Variants in ATP6AP1 observed in about 807,000 individuals in gnomAD.
The protein encoded by ATP6AP1 is V-type proton ATPase subunit S1.
Under a neutral mutation model 32.0 loss-of-function variants are expected in ATP6AP1, and 1 was observed. That is an observed-to-expected ratio of 0.03 (90% CI 0.01 to 0.15). The LOEUF (loss-of-function observed/expected upper bound fraction) is 0.15. ATP6AP1 is among the 10% of genes least tolerant of loss of function. The pLI, the probability that ATP6AP1 is intolerant of heterozygous loss-of-function variation, is 1.00. For missense variants in ATP6AP1, 297 were observed against 398.8 expected, an observed-to-expected ratio of 0.74 and a Z score of 2.17; for synonymous variants, 187 against 174.9, an observed-to-expected ratio of 1.07 and a Z score of -0.55.
rs781853406 is a variant in ATP6AP1, at chrX:154,435,904, G to A, written c.*13G>A. 2 of 1,184,606 alleles carry A rather than the reference G, an allele frequency of 1.7e-6. No homozygotes were observed. The highest frequency in any genetic ancestry group is 3.5e-5 in the South Asian group (2 of 56,691). On this transcript the variant is annotated 3_prime_UTR_variant, in exon 10 of 10. Coordinates refer to ENST00000369762, the MANE Select transcript of ATP6AP1 (RefSeq NM_001183.6). ...CCAGATTGTGTGACCCTGTGCCAGTGGGGGGGTTGAGGGTGGGACGGTGTC... is the reference window on the plus strand; with the variant it reads ...CCAGATTGTGTGACCCTGTGCCAGTAGGGGGGTTGAGGGTGGGACGGTGTC...
At chrX:154,431,742 G>C in intron 2 of ATP6AP1, 88 bp from the exon 3 acceptor site, 1 of 935,869 alleles carries the variant, frequency 1.1e-6, no homozygotes, top group Non-Finnish European at 1.5e-6. Context: ...TGCTGGCCCT[G>C]AGAATGCACG....
chrX:154,432,255 CCT>C lies in ATP6AP1; in HGVS notation c.364-10_364-9del, dbSNP rs782650821. 2.5e-6 allele frequency: 3 copies of C among 1,191,946 alleles called. No individual in the cohort carries two copies. Among genetic ancestry groups the C allele is most frequent in the Admixed American group, 2.2e-5 (1 of 45,140 alleles). ...TGGCTAACTCACCTTTTGCCTCTCC[CCT>C]GTCCCCAGAATGCCCTGGACCTGGC... is the stretch of plus-strand genomic sequence containing the variant. On this transcript the variant is annotated splice_polypyrimidine_tract_variant and intron_variant, in intron 3 of 9. Coordinates refer to ENST00000369762, the MANE Select transcript of ATP6AP1 (RefSeq NM_001183.6).
In ATP6AP1 at chrX:154,432,325, C is replaced by G; in HGVS notation, c.423C>G (p.Val141=). ...LVLPAVDWYA[V]STLTTYLQEK... is the part of the protein sequence containing the mutation. ...TTCCTGCCGTCGACTGGTATGCAGT[C>G]AGCACTCTGACCACTTACCTGCAGG... The change falls in exon 4 of 10, where the codon GTC becomes GTG. Residue 141 remains valine (V), a synonymous_variant. Coordinates refer to ENST00000369762, the MANE Select transcript of ATP6AP1 (RefSeq NM_001183.6). 1 of 1,212,375 alleles carries G rather than the reference C, an allele frequency of 8.2e-7. No individual in the cohort carries two copies. Among genetic ancestry groups the G allele is most frequent in the Non-Finnish European group, 1.1e-6 (1 of 895,584 alleles).
Position 154,434,439 on chromosome X carries a change from T to C in ATP6AP1, c.916T>C (p.Phe306Leu), listed in dbSNP as rs1603384418. The C allele has an allele frequency of 8.3e-7, 1 of 1,207,574 alleles. No individual in the cohort carries two copies. The highest frequency in any genetic ancestry group is 3.0e-5 in the East Asian group (1 of 33,757). The change falls in exon 7 of 10, where the codon TTT (phenylalanine) becomes CTT (leucine). Residue 306 changes from phenylalanine to leucine, a missense_variant. Phe to Leu is a conservative substitution (Grantham distance 22). This residue lies in a region of ATP6AP1 where 155 missense variants were observed against 253.8 expected (regional missense o/e 0.61). Coordinates refer to ENST00000369762, the MANE Select transcript of ATP6AP1 (RefSeq NM_001183.6). ...NLTGSFWNDS[F>L]ARLSLTYERL... ...GACTGGCTCCTTCTGGAATGACTCCTTTGCCAGGCAAGGGCACTAGGCTGG... is the reference window on the plus strand; with the variant it reads ...GACTGGCTCCTTCTGGAATGACTCCCTTGCCAGGCAAGGGCACTAGGCTGG...
rs1557196943 is a variant in ATP6AP1 at position 154,432,323 on chromosome X, G to C, written c.421G>C (p.Val141Leu). 2 of 1,212,430 alleles carry C rather than the reference G, an allele frequency of 1.6e-6. No individual in the cohort carries two copies. The highest frequency in any genetic ancestry group is 1.1e-6 in the Non-Finnish European group (1 of 895,618). The change falls in exon 4 of 10, where the codon GTC becomes CTC. Residue 141 changes from valine to leucine, a missense_variant. Physicochemically the swap from Val to Leu is conservative, Grantham distance 32. This residue lies in a region of ATP6AP1 where 142 missense variants were observed against 145.0 expected (regional missense o/e 0.98). Transcript: ENST00000369762. ...LVLPAVDWYA[V>L]STLTTYLQEK... ...GCTTCCTGCCGTCGACTGGTATGCAGTCAGCACTCTGACCACTTACCTGCA... is the reference window on the plus strand; with the variant it reads ...GCTTCCTGCCGTCGACTGGTATGCACTCAGCACTCTGACCACTTACCTGCA...
At chrX:154,428,991 C>T (rs1271310629) in intron 1 of ATP6AP1, 57 bp from the exon 2 acceptor site, 19 of 1,188,553 alleles carry the variant, frequency 1.6e-5, no homozygotes, top group Non-Finnish European at 2.2e-5. Flanking sequence ...CTGCCGGCGA[C>T]AGAGCTCCAG....
At chrX:154,431,249 G>A (rs1201058969) in intron 2 of ATP6AP1, 1 of 113,179 alleles carries the variant, frequency 8.8e-6, no homozygotes, top group Admixed American at 9.1e-5. Context: ...GAGGGTAGGA[G>A]CAAAAGGACA....
Position 154,433,622 on chromosome X carries a change from T to C in ATP6AP1, c.599-13T>C, listed in dbSNP as rs2068705108. Reference sequence around the variant, plus strand: ...TGGTGACCTGAGTCTCTGCTCTCCTTGTTGACCCTCAGATGAGGTCATCGG... The same window carrying C: ...TGGTGACCTGAGTCTCTGCTCTCCTCGTTGACCCTCAGATGAGGTCATCGG... On this transcript the variant is annotated splice_polypyrimidine_tract_variant and intron_variant, in intron 5 of 9. Transcript: ENST00000369762. 5.0e-6 allele frequency: 6 copies of C among 1,209,490 alleles called. No individual in the cohort carries two copies. The African/African-American group carries it at 8.6e-5, about 17-fold the overall frequency.
chrX:154,429,229 TCCC>T, intron 2 of ATP6AP1, 55 bp downstream of exon 2: 1 of 1,174,742 alleles, frequency 8.5e-7, no homozygotes, highest in African/African-American at 1.8e-5. Flanking sequence ...CCAGGCCCCC[TCCC>T]CCCATGACAC....
chrX:154,431,685 C>A, intron 2 of ATP6AP1, 145 bp from the exon 3 acceptor site: 5 of 521,154 alleles, frequency 9.6e-6, no homozygotes, highest in Non-Finnish European at 1.7e-5. Flanking sequence ...CCCCCACCAA[C>A]ACACAGTTGT....
rs1557196248 is a variant in ATP6AP1, at chrX:154,428,741, G to A, written c.49G>A (p.Ala17Thr). Reference protein sequence around the residue: ...TARVRMGPRCAQALWRMPWLP... With the variant: ...TARVRMGPRCTQALWRMPWLP... Reference sequence around the variant, plus strand: ...TCGAGTGCGGATGGGGCCGCGGTGCGCCCAGGCGCTCTGGCGCATGCCGTG... The same window carrying A: ...TCGAGTGCGGATGGGGCCGCGGTGCACCCAGGCGCTCTGGCGCATGCCGTG... The change falls in exon 1 of 10, where the codon GCC becomes ACC. Residue 17 changes from alanine to threonine, a missense_variant. Ala to Thr is a moderately conservative substitution (Grantham distance 58, BLOSUM62 0). Coordinates refer to ENST00000369762, the MANE Select transcript of ATP6AP1 (RefSeq NM_001183.6). 8.7e-7 allele frequency: 1 copy of A among 1,144,744 alleles called. No individual in the cohort carries two copies. The highest frequency in any genetic ancestry group is 2.7e-5 in the Admixed American group (1 of 37,014). 94.3% of individuals were successfully genotyped at this position (1,144,744 alleles called of 1,213,427 possible). A position where few individuals can be genotyped will look rare whatever the true frequency, so the allele number is the denominator to read the frequency against.
chrX:154,431,495 C>T (rs1018569887), intron 2 of ATP6AP1: 8 of 191,465 alleles, frequency 4.2e-5, no homozygotes, highest in Non-Finnish European at 7.6e-5. Flanking sequence ...ACCCCCTCCC[C>T]GCAGCTTCCC....
At chrX:154,435,111 C>G (rs200790223) in intron 7 of ATP6AP1, 28 bp from the exon 8 acceptor site, 2 of 1,200,929 alleles carry the variant, frequency 1.7e-6, no homozygotes, top group Middle Eastern at 2.3e-4. Flanking sequence ...CAGAGCCTCA[C>G]AGTGCGCCTC....
At chrX:154,432,569 C>T in intron 4 of ATP6AP1, 110 bp downstream of exon 4, 1 of 988,699 alleles carries the variant, frequency 1.0e-6, no homozygotes, top group Non-Finnish European at 1.3e-6. Context: ...ACTCCCCACC[C>T]CCTCACAGCC....
At position 154,434,229 on chromosome X, in the gene ATP6AP1, G is replaced by A; in HGVS notation, c.706G>A (p.Val236Met). The A allele has an allele frequency of 8.3e-7, 1 of 1,211,816 alleles. No homozygotes were observed. The highest frequency in any genetic ancestry group is 1.1e-6 in the Non-Finnish European group (1 of 895,463). Reference sequence around the variant, plus strand: ...GCAGGTGGCCCGTGATGTAGCCGTGGTGGCCGGAGGGCTAGGTCGCCAGCT... The same window carrying A: ...GCAGGTGGCCCGTGATGTAGCCGTGATGGCCGGAGGGCTAGGTCGCCAGCT... ...PSRVARDVAV[V>M]AGGLGRQLLQ... The change falls in exon 7 of 10, where the codon GTG becomes ATG. Residue 236 changes from valine to methionine, a missense_variant. Transcript: ENST00000369762.
At chrX:154,429,271 G>C in intron 2 of ATP6AP1, 97 bp downstream of exon 2, 1 of 1,069,383 alleles carries the variant, frequency 9.4e-7, no homozygotes, top group Non-Finnish European at 1.3e-6. Flanking sequence ...GGAAGCTTCA[G>C]TGACCTTGTC....
intron 2 of ATP6AP1, 63 bp from the exon 3 acceptor site, chrX:154,431,767 C>A: frequency 2.7e-6 from 3 of 1,110,451 alleles, no homozygotes; most frequent in Non-Finnish European, 3.7e-6. Context: ...AGGTGGCTGT[C>A]CCCTGCCTTG....
At chrX:154,432,033 C>T (rs782081475) in intron 3 of ATP6AP1, 129 bp downstream of exon 3, 19 of 761,587 alleles carry the variant, frequency 2.5e-5, no homozygotes, top group Non-Finnish European at 3.5e-5. Context: ...ACCATCCCCC[C>T]CAAAAACAAC....
In ATP6AP1 at chrX:154,428,790, C is replaced by T. The variant is rs1244012425; in HGVS notation, c.98C>T (p.Ala33Val). 2.7e-6 allele frequency: 3 copies of T among 1,092,511 alleles called. No individual in the cohort carries two copies. In the East Asian group the frequency reaches 1.1e-4, roughly 41 times the overall value. 90.0% of individuals were successfully genotyped at this position (1,092,511 alleles called of 1,213,427 possible). A position where few individuals can be genotyped will look rare whatever the true frequency, so the allele number is the denominator to read the frequency against. The change falls in exon 1 of 10, where the codon GCG becomes GTG. Residue 33 changes from alanine to valine, a missense_variant. By Grantham distance (64) the Ala-to-Val change is moderately conservative (BLOSUM62 0). This residue lies in a region of ATP6AP1 where 142 missense variants were observed against 145.0 expected (regional missense o/e 0.98). Coordinates refer to ENST00000369762, the MANE Select transcript of ATP6AP1 (RefSeq NM_001183.6). The part of the protein sequence containing the change: ...MPWLPVFLSL[A>V]AAAAAAAAEQ... ...TGGCTGCCGGTGTTTTTGTCGTTGG[C>T]GGCGGCGGCGGCGGCGGCAGCGGCG...
Sources: gnomAD v4.1 joint callset for allele counts on GRCh38, gnomAD v4.1.1 for gene constraint, gnomAD v4.1.1 regional missense constraint, MANE v1.5 for transcripts, NCBI Gene and HGNC (gene_info 2026-07-23, HGNC 2026-07-21) for gene names.